SSBP3: variants seen among roughly 807,000 people sequenced by gnomAD.
SSBP3 encodes single-stranded DNA-binding protein 3.
In SSBP3, 5 loss-of-function variants were observed where a neutral mutation model predicts 69.6. The observed-to-expected ratio is 0.07, with a 90% CI of 0.04 to 0.15. The LOEUF (loss-of-function observed/expected upper bound fraction) is 0.15. Ranked by LOEUF, SSBP3 falls within the 10% of genes least tolerant of loss-of-function variation. SSBP3 has a pLI of 1.00. For synonymous variants in SSBP3, 196 were observed against 193.4 expected, an observed-to-expected ratio of 1.01 and a Z score of -0.11; for missense variants, 312 against 534.0, an observed-to-expected ratio of 0.58 and a Z score of 4.10.
intron 5 of SSBP3, among the ~76,000 whole-genome samples, chr1:54,276,332 G>A (rs3820108): frequency 0.11 from 17,490 of 152,090 alleles, 1,077 homozygotes; most frequent in South Asian, 0.24. Context: ...CTACTTCCTG[G>A]CCGGGCGTGG....
chr1:54,408,907 G>A (rs1440214044), upstream of SSBP3, among the ~76,000 whole-genome samples: 1 of 152,176 alleles, frequency 6.6e-6, no homozygotes, highest in Non-Finnish European at 1.5e-5. Context: ...CCTTGTTGGA[G>A]CTAAAAGAGA....
chr1:54,373,241 C>G (rs142940181), intron 4 of SSBP3, among the ~76,000 whole-genome samples: 17 of 152,286 alleles, frequency 1.1e-4, no homozygotes, highest in Non-Finnish European at 2.4e-4. Flanking sequence ...ACCTACCAGC[C>G]CACCACTGAC....
intron 4 of SSBP3, among the ~76,000 whole-genome samples, chr1:54,364,760 G>A (rs1336231856): frequency 6.6e-6 from 1 of 152,070 alleles, no homozygotes; most frequent in Non-Finnish European, 1.5e-5. Context: ...CTCTCTCCCT[G>A]CCCAGACTAT....
At chr1:54,340,026 T>C (rs1425498793) in intron 4 of SSBP3, among the ~76,000 whole-genome samples, 1 of 152,122 alleles carries the variant, frequency 6.6e-6, no homozygotes, top group African/African-American at 2.4e-5. Context: ...GACCCCATGC[T>C]TCTCTGGCTC....
intron 4 of SSBP3, among the ~76,000 whole-genome samples, chr1:54,349,552 G>A (rs1348487337): frequency 6.6e-6 from 1 of 152,146 alleles, no homozygotes; most frequent in Non-Finnish European, 1.5e-5. Context: ...CAAAATCAAA[G>A]AGGAGACCAG....
intron 4 of SSBP3, among the ~76,000 whole-genome samples, chr1:54,343,057 T>C (rs1418550011): frequency 5.3e-5 from 8 of 152,196 alleles, no homozygotes; most frequent in East Asian, 1.9e-4. Flanking sequence ...TTTCCCAGGA[T>C]TGGCGGATCT....
chr1:54,289,037 CAAAAAAACAAAAAAAA>C (rs1291926242), intron 4 of SSBP3, among the ~76,000 whole-genome samples: 1 of 62,060 alleles, frequency 1.6e-5, no homozygotes, highest in African/African-American at 9.3e-5. Context: ...AAAAAAAAAA[CAAAAAAACAAAAAAAA>C]AAAACAGTAA....
chr1:54,404,249 T>G (rs1045756842), intron 3 of SSBP3, among the ~76,000 whole-genome samples: 30 of 152,046 alleles, frequency 2.0e-4, no homozygotes, highest in Non-Finnish European at 4.0e-4. Context: ...CTCCTCTAAT[T>G]AAAGCAACAT....
chr1:54,290,929 A>T (rs1645594050), intron 4 of SSBP3, among the ~76,000 whole-genome samples: 1 of 152,170 alleles, frequency 6.6e-6, no homozygotes, highest in Non-Finnish European at 1.5e-5. Flanking sequence ...AGCAAAACAC[A>T]CACACACGCA....
At chr1:54,301,901 C>A (rs970479997) in intron 4 of SSBP3, among the ~76,000 whole-genome samples, 1 of 152,218 alleles carries the variant, frequency 6.6e-6, no homozygotes, top group Admixed American at 6.5e-5. Flanking sequence ...AGAATCCTAC[C>A]CAAGCCTCCC....
At chr1:54,365,365 T>C (rs1647013007) in intron 4 of SSBP3, among the ~76,000 whole-genome samples, 1 of 152,038 alleles carries the variant, frequency 6.6e-6, no homozygotes, top group South Asian at 2.1e-4. Flanking sequence ...TGTGTGTGTG[T>C]TGGAAGGCTA....
intron 4 of SSBP3, among the ~76,000 whole-genome samples, chr1:54,318,980 C>T (rs904956536): frequency 6.6e-6 from 1 of 152,120 alleles, no homozygotes; most frequent in African/African-American, 2.4e-5. Flanking sequence ...TATGGATGAG[C>T]GAATTGAGGC....
chr1:54,358,381 G>A (rs116087425), intron 4 of SSBP3, among the ~76,000 whole-genome samples: 3 of 152,308 alleles, frequency 2.0e-5, no homozygotes, highest in African/African-American at 7.2e-5. Flanking sequence ...CCCAGCTCAG[G>A]AGGCCAGGAG....
chr1:54,314,615 G>A (rs1646063070), intron 4 of SSBP3, among the ~76,000 whole-genome samples: 1 of 152,244 alleles, frequency 6.6e-6, no homozygotes, highest in South Asian at 2.1e-4. Context: ...CCTTGAACAT[G>A]CTTCCCTAGA....
intron 4 of SSBP3, among the ~76,000 whole-genome samples, chr1:54,337,822 T>C (rs1258376844): frequency 2.0e-5 from 3 of 152,034 alleles, no homozygotes; most frequent in African/African-American, 7.2e-5. Flanking sequence ...GACAGTGAGT[T>C]TTTTGGGCAT....
intron 4 of SSBP3, among the ~76,000 whole-genome samples, chr1:54,289,174 G>C (rs117679179): frequency 6.6e-6 from 1 of 152,020 alleles, no homozygotes. Context: ...ATCCATTCCC[G>C]TGTTTGAGAC....
At chr1:54,326,464 G>T (rs1468969005) in intron 4 of SSBP3, 1 of 152,164 alleles carries the variant, frequency 6.6e-6, no homozygotes, top group Non-Finnish European at 1.5e-5. Context: ...GTGCAGAAAG[G>T]TCCTGCCAGT....
rs113093721 is a variant in SSBP3, at chr1:54,403,826, G to A, written c.191+750C>T. On this transcript the variant is annotated intron_variant, in intron 3 of 17. Coordinates refer to ENST00000610401, the Ensembl canonical transcript of SSBP3. ...TCATATACCTAGGGCAACTGGCTCC[G>A]GCTGACCCTGAGCTCCCTCCTGGCT... Among the ~76,000 whole-genome samples the A allele has an allele frequency of 3.1e-3, 468 of 152,228 alleles. 14 individuals are homozygous for A. The South Asian group carries it at 0.037, about 12-fold the overall frequency.
chr1:54,321,037 A>G (rs921004490), intron 4 of SSBP3, among the ~76,000 whole-genome samples: 5 of 152,228 alleles, frequency 3.3e-5, no homozygotes, highest in Admixed American at 6.5e-5. Flanking sequence ...GGCAGAAGAA[A>G]ATGCACAGGC....
Sources: gnomAD v4.1 joint callset for allele counts (sites outside exome capture counted in the v4.1 genomes callset) on GRCh38, gnomAD v4.1.1 for gene constraint, MANE v1.5 for transcripts, NCBI Gene and HGNC (gene_info 2026-07-23, HGNC 2026-07-21) for gene names.